Variants in LINGO2 observed in about 807,000 individuals in gnomAD.
LINGO2 encodes leucine-rich repeat and immunoglobulin-like domain-containing nogo receptor-interacting protein 2.
In LINGO2, 14 loss-of-function variants were observed where a neutral mutation model predicts 30.6. The ratio of observed to expected loss-of-function variants is 0.46; its 90% CI spans 0.30 to 0.72. The LOEUF (loss-of-function observed/expected upper bound fraction) is 0.72, where lower values mean the gene tolerates loss of function less well. Among genes scored for constraint, LINGO2 ranks in the 30% least tolerant of loss-of-function variants. The probability of loss-of-function intolerance (pLI) is 0.07; values close to 1 mark genes in which losing one functional copy is unlikely to be tolerated. For missense variants in LINGO2, 729 were observed against 751.7 expected (o/e 0.97, Z 0.35); for synonymous variants, 317 against 288.5 (o/e 1.10, Z -1.00).
chr9:28,511,065 C>A (rs1480963645), intron 1 of LINGO2, among the ~76,000 whole-genome samples: 4 of 151,954 alleles, frequency 2.6e-5, no homozygotes, highest in African/African-American at 9.7e-5. Flanking sequence ...CCTTCCCCAG[C>A]CCACCGATTC....
chr9:28,857,246 A>G, the LINGO2 span, among the ~76,000 whole-genome samples: 1 of 152,050 alleles, frequency 6.6e-6, no homozygotes, highest in Non-Finnish European at 1.5e-5. Context: ...AGAAAAAACA[A>G]AGGAGTCTAG....
intron 2 of LINGO2, among the ~76,000 whole-genome samples, chr9:28,425,197 G>C (rs1239105356): frequency 6.7e-6 from 1 of 149,066 alleles, no homozygotes; most frequent in Non-Finnish European, 1.5e-5. Flanking sequence ...ACTCTTAATA[G>C]AGCTTACTAT....
the LINGO2 span, among the ~76,000 whole-genome samples, chr9:28,909,340 C>A: frequency 1.5e-3 from 228 of 151,908 alleles, no homozygotes; most frequent in African/African-American, 5.3e-3. Flanking sequence ...ATAGTTGTCA[C>A]TAAAGTTACT....
chr9:28,430,099 C>T (rs1345916843), intron 2 of LINGO2, among the ~76,000 whole-genome samples: 7 of 29,012 alleles, frequency 2.4e-4, no homozygotes, highest in African/African-American at 3.4e-4. Flanking sequence ...GATTTCCACG[C>T]GCGCGCGCGC....
At chr9:28,249,660 T>C (rs1478670640) in intron 4 of LINGO2, among the ~76,000 whole-genome samples, 1 of 152,144 alleles carries the variant, frequency 6.6e-6, no homozygotes, top group Admixed American at 6.5e-5. Flanking sequence ...TTGAGTTTTA[T>C]TGGAGAAAAT....
intron 1 of LINGO2, among the ~76,000 whole-genome samples, chr9:28,510,713 C>A (rs1023145253): frequency 6.6e-6 from 1 of 151,908 alleles, no homozygotes; most frequent in African/African-American, 2.4e-5. Context: ...TGTGTGTACA[C>A]ACACACAGTC....
At chr9:28,673,978 A>G (rs371629877), upstream of LINGO2, among the ~76,000 whole-genome samples, 1 of 152,008 alleles carries the variant, frequency 6.6e-6, no homozygotes, top group Non-Finnish European at 1.5e-5. Context: ...AAATCCATCC[A>G]TATGCTTAGT....
At chr9:28,075,251 A>G (rs1587813908) in intron 4 of LINGO2, among the ~76,000 whole-genome samples, 1 of 152,074 alleles carries the variant, frequency 6.6e-6, no homozygotes, top group East Asian at 1.9e-4. Flanking sequence ...TTTCTTTTCT[A>G]CCCAACATAC....
intron 1 of LINGO2, among the ~76,000 whole-genome samples, chr9:28,606,248 T>C (rs761621003): frequency 2.6e-5 from 4 of 151,992 alleles, no homozygotes; most frequent in Non-Finnish European, 5.9e-5. Flanking sequence ...TTTCAAGACT[T>C]ACAATGGGCA....
intron 3 of LINGO2, among the ~76,000 whole-genome samples, chr9:28,302,317 G>A (rs1298692717): frequency 6.6e-6 from 1 of 152,174 alleles, no homozygotes; most frequent in African/African-American, 2.4e-5. Context: ...CTCAAGAACA[G>A]TGCCACTGCA....
the LINGO2 span, among the ~76,000 whole-genome samples, chr9:29,166,426 G>C: frequency 6.6e-6 from 1 of 152,000 alleles, no homozygotes; most frequent in East Asian, 1.9e-4. Context: ...GACAGAACAC[G>C]AACTCTCCAG....
chr9:28,035,058 C>T (rs989974142), intron 4 of LINGO2, among the ~76,000 whole-genome samples: 6 of 152,198 alleles, frequency 3.9e-5, no homozygotes, highest in African/African-American at 1.4e-4. Flanking sequence ...AACTGATGTG[C>T]CTGTTTGGAT....
At chr9:27,995,172 C>A (rs1422736136) in intron 5 of LINGO2, among the ~76,000 whole-genome samples, 2 of 152,056 alleles carry the variant, frequency 1.3e-5, no homozygotes, top group African/African-American at 4.8e-5. Context: ...CACATGCACC[C>A]TACCAAGATT....
chr9:28,007,959 C>T (rs1013290597), intron 5 of LINGO2, among the ~76,000 whole-genome samples: 15 of 152,182 alleles, frequency 9.9e-5, no homozygotes, highest in African/African-American at 2.7e-4. Flanking sequence ...CTGCTCATGA[C>T]AACATTCATG....
At chr9:28,107,644 T>C (rs903577159) in intron 4 of LINGO2, among the ~76,000 whole-genome samples, 1 of 152,106 alleles carries the variant, frequency 6.6e-6, no homozygotes, top group African/African-American at 2.4e-5. Context: ...TTAAGAGTAA[T>C]TAGAAAAGCG....
At position 28,398,106 on chromosome 9, in the gene LINGO2, T is replaced by G. The variant is rs539534170; in HGVS notation, c.-278-25238A>C. On this transcript the variant is annotated intron_variant, in intron 2 of 5. Transcript: ENST00000379992. ...AGGTTGGGAACTGAGACAGAAAAGA[T>G]CAGTCAGTGTTATGATTACCCTGGC... 4.7e-4 allele frequency among the ~76,000 whole-genome samples: 72 copies of G among 152,126 alleles called. No homozygotes were observed. The South Asian group carries it at 0.015, about 31-fold the overall frequency.
At chr9:28,179,212 G>A (rs915860241) in intron 4 of LINGO2, among the ~76,000 whole-genome samples, 1 of 133,548 alleles carries the variant, frequency 7.5e-6, no homozygotes, top group African/African-American at 2.7e-5. Flanking sequence ...CTGATCTAAT[G>A]TGTGTGGAAG....
At chr9:28,057,553 G>GTA (rs1190278585) in intron 4 of LINGO2, among the ~76,000 whole-genome samples, 5 of 83,670 alleles carry the variant, frequency 6.0e-5, no homozygotes, top group African/African-American at 1.3e-4. Flanking sequence ...ATGTATATAA[G>GTA]TATATATATA....
At chr9:28,185,020 G>A (rs1182599990) in intron 4 of LINGO2, among the ~76,000 whole-genome samples, 6 of 152,112 alleles carry the variant, frequency 3.9e-5, no homozygotes, top group Admixed American at 6.6e-5. Context: ...TGGATTTATG[G>A]GCAGGTGAAG....
Sources: gnomAD v4.1 joint callset for allele counts (sites outside exome capture counted in the v4.1 genomes callset) on GRCh38, gnomAD v4.1.1 for gene constraint, MANE v1.5 for transcripts, NCBI Gene and HGNC (gene_info 2026-07-23, HGNC 2026-07-21) for gene names.